ANKMY2: variants seen among roughly 807,000 people sequenced by gnomAD.
ANKMY2 encodes ankyrin repeat and MYND domain-containing protein 2.
In ANKMY2, 36 loss-of-function variants were observed where a neutral mutation model predicts 50.4. The observed-to-expected ratio is 0.71, with a 90% CI of 0.55 to 0.94. The LOEUF (loss-of-function observed/expected upper bound fraction) is 0.94, where lower values mean the gene tolerates loss of function less well. Ranked by LOEUF, ANKMY2 falls within the 40% of genes least tolerant of loss-of-function variation. The pLI is 0.00. For synonymous variants in ANKMY2, 187 were observed against 178.8 expected (o/e 1.05, Z -0.36); for missense variants, 565 against 524.0 (o/e 1.08, Z -0.76).
At chr7:16,636,566 C>A (rs1246894392) in intron 1 of ANKMY2, 111 bp from the exon 2 acceptor site, 9 of 705,994 alleles carry the variant, frequency 1.3e-5, no homozygotes, top group South Asian at 2.3e-5. Flanking sequence ...TACATCTAGT[C>A]AGTGTAGGTT....
At chr7:16,616,982 G>A (rs918182795) in intron 4 of ANKMY2, among the ~76,000 whole-genome samples, 4 of 152,216 alleles carry the variant, frequency 2.6e-5, no homozygotes, top group Non-Finnish European at 5.9e-5. Context: ...CCCAGGAGTG[G>A]CAGGCTTCAT....
intron 5 of ANKMY2, among the ~76,000 whole-genome samples, chr7:16,614,494 T>A (rs1475450771): frequency 6.6e-6 from 1 of 152,190 alleles, no homozygotes; most frequent in Non-Finnish European, 1.5e-5. Context: ...CCTAGAAAAT[T>A]AATTTGGGTG....
intron 4 of ANKMY2, among the ~76,000 whole-genome samples, chr7:16,618,887 A>G (rs1781394922): frequency 7.4e-6 from 1 of 135,980 alleles, no homozygotes; most frequent in South Asian, 2.2e-4. Context: ...CAAAATCTAC[A>G]TCCAGCTTCA....
At chr7:16,621,561 A>T (rs1405131472) in intron 4 of ANKMY2, among the ~76,000 whole-genome samples, 1 of 152,238 alleles carries the variant, frequency 6.6e-6, no homozygotes, top group Non-Finnish European at 1.5e-5. Context: ...TACCAAAAAA[A>T]TCATAAAAAA....
At chr7:16,645,469 A>G (rs781103735) in intron 1 of ANKMY2, 38 bp downstream of exon 1, 4 of 1,575,938 alleles carry the variant, frequency 2.5e-6, no homozygotes, top group Non-Finnish European at 3.4e-6. Flanking sequence ...CCCCCCGGCC[A>G]GGCTGGCCGC....
In ANKMY2 at chr7:16,605,847, T is replaced by A. The variant is rs186455198; in HGVS notation, c.883-998A>T. 4.9e-3 allele frequency among the ~76,000 whole-genome samples: 741 copies of A among 151,364 alleles called. 6 individuals are homozygous for A. The highest frequency in any genetic ancestry group is 0.017 in the African/African-American group (707 of 41,210). On this transcript the variant is annotated intron_variant, in intron 7 of 9. Coordinates refer to ENST00000306999, the MANE Select transcript of ANKMY2 (RefSeq NM_020319.3). ...ACAGGCACCCGCCACCACGCCCGGC[T>A]AATTTTTTTGTATTTTTAGTAGAGA...
At chr7:16,602,301 G>A (rs1171050205) in intron 9 of ANKMY2, 79 bp downstream of exon 9, 10 of 1,508,750 alleles carry the variant, frequency 6.6e-6, no homozygotes, top group East Asian at 2.3e-5. Flanking sequence ...CAGAGAAGAC[G>A]CAGTTTCAGT....
intron 4 of ANKMY2, 74 bp downstream of exon 4, chr7:16,624,909 G>A (rs1487667046): frequency 3.9e-6 from 5 of 1,273,032 alleles, no homozygotes; most frequent in Non-Finnish European, 5.7e-6. Context: ...TTCACCATGA[G>A]AAGCAAAGTG....
chr7:16,614,380 C>T (rs543474668), intron 5 of ANKMY2, among the ~76,000 whole-genome samples: 1 of 152,166 alleles, frequency 6.6e-6, no homozygotes, highest in African/African-American at 2.4e-5. Flanking sequence ...GCAGTTCTTC[C>T]AGAATATTAA....
Position 16,627,051 on chromosome 7 carries a change from G to T in ANKMY2, c.260C>A (p.Ala87Asp). ...TACTAAAACTTCACCAGAAAGTGCA[G>T]CAAACATGAGGGCTGTGTATCCATG... ...HEHGYTALMF[A>D]ALSGNKDITW... Residue 87 changes from alanine to aspartate, a missense_variant, in exon 3 of 10, where the codon GCT (alanine) becomes GAT (aspartate). Coordinates refer to ENST00000306999, the MANE Select transcript of ANKMY2 (RefSeq NM_020319.3). 1 of 1,599,836 alleles carries T rather than the reference G, an allele frequency of 6.3e-7. No homozygotes were observed. Among genetic ancestry groups the T allele is most frequent in the South Asian group, 1.1e-5 (1 of 88,472 alleles).
At chr7:16,626,818 TAAAG>T (rs1406140888) in intron 3 of ANKMY2, among the ~76,000 whole-genome samples, 2 of 152,162 alleles carry the variant, frequency 1.3e-5, no homozygotes, top group Non-Finnish European at 2.9e-5. Context: ...GTTGTCCACA[TAAAG>T]AATCAATTGA....
intron 7 of ANKMY2, among the ~76,000 whole-genome samples, chr7:16,607,892 T>A (rs1781186772): frequency 6.6e-6 from 1 of 152,022 alleles, no homozygotes; most frequent in Non-Finnish European, 1.5e-5. Context: ...AAAAAAAAAT[T>A]TTCCTGGACT....
intron 1 of ANKMY2, 29 bp from the exon 2 acceptor site, chr7:16,636,484 G>T: frequency 6.6e-7 from 1 of 1,518,308 alleles, no homozygotes; most frequent in South Asian, 1.3e-5. Context: ...TGAAAAGTAA[G>T]GTTATTCGTC....
In ANKMY2 at chr7:16,640,832, T is replaced by A. The variant is rs149203317; in HGVS notation, c.68-4377A>T. ...GCATGAGCCACTATGTCCAGCTGGA[T>A]TGCAATCATTATTTATTGGAAGCCA... On this transcript the variant is annotated intron_variant, in intron 1 of 9. Transcript: ENST00000306999. Among the ~76,000 whole-genome samples the A allele has an allele frequency of 2.0e-5, 3 of 152,146 alleles. No individual in the cohort carries two copies. The East Asian group carries it at 5.8e-4, about 29-fold the overall frequency.
At chr7:16,611,335 A>C (rs1055884869) in intron 5 of ANKMY2, among the ~76,000 whole-genome samples, 3 of 152,234 alleles carry the variant, frequency 2.0e-5, no homozygotes, top group African/African-American at 7.2e-5. Context: ...AGTAATGAGA[A>C]CAGGTCAAAG....
intron 3 of ANKMY2, among the ~76,000 whole-genome samples, chr7:16,626,275 C>T (rs1281721340): frequency 6.6e-6 from 1 of 152,080 alleles, no homozygotes; most frequent in Non-Finnish European, 1.5e-5. Context: ...CCACTGTGCC[C>T]AGCTAAAAGA....
At position 16,626,339 on chromosome 7, in the gene ANKMY2, T is replaced by A. The variant is rs182435404; in HGVS notation, c.271+701A>T. On this transcript the variant is annotated intron_variant, in intron 3 of 9. Transcript: ENST00000306999. The stretch of plus-strand genomic sequence containing the variant: ...TAAGACATATAATACAGATTTTTAG[T>A]TTTTCATTTGTATTTTAACTCTATT... Among the ~76,000 whole-genome samples the A allele has an allele frequency of 2.7e-3, 416 of 152,310 alleles. 7 individuals are homozygous for A. Among genetic ancestry groups the A allele is most frequent in the Admixed American group, 0.025 (388 of 15,302 alleles).
chr7:16,612,374 T>A (rs1356846700), intron 5 of ANKMY2, among the ~76,000 whole-genome samples: 1 of 152,254 alleles, frequency 6.6e-6, no homozygotes, highest in Non-Finnish European at 1.5e-5. Flanking sequence ...TCTAGTGTTT[T>A]ACAAAAATCC....
chr7:16,603,123 T>C (rs1781098565), intron 8 of ANKMY2, among the ~76,000 whole-genome samples: 1 of 152,200 alleles, frequency 6.6e-6, no homozygotes, highest in African/African-American at 2.4e-5. Context: ...ATAATGAATA[T>C]ATAACAAACA....
Sources: gnomAD v4.1 joint callset for allele counts (sites outside exome capture counted in the v4.1 genomes callset) on GRCh38, gnomAD v4.1.1 for gene constraint, MANE v1.5 for transcripts, NCBI Gene and HGNC (gene_info 2026-07-23, HGNC 2026-07-21) for gene names.